FER1L6: variants seen among roughly 807,000 people sequenced by gnomAD.
FER1L6 encodes the protein fer-1 like family member 6.
FER1L6 carries 177 observed loss-of-function variants against 219.2 expected under a neutral mutation model. The observed-to-expected ratio is 0.81, with a 90% CI of 0.71 to 0.91. FER1L6 has a LOEUF of 0.91. Among genes scored for constraint, FER1L6 ranks in the 40% least tolerant of loss-of-function variants. FER1L6 has a pLI of 0.00. For synonymous variants in FER1L6, 768 were observed against 824.3 expected, an observed-to-expected ratio of 0.93 and a Z score of 1.17; for missense variants, 2,153 against 2,259.9, an observed-to-expected ratio of 0.95 and a Z score of 0.96.
intron 12 of FER1L6, among the ~76,000 whole-genome samples, chr8:123,994,219 C>T (rs1444748591): frequency 6.6e-6 from 1 of 152,162 alleles, no homozygotes; most frequent in Non-Finnish European, 1.5e-5. Context: ...AGTGGAACCA[C>T]AGAGCTTCCA....
At chr8:124,096,397 C>T (rs961873718) in intron 35 of FER1L6, among the ~76,000 whole-genome samples, 1 of 152,190 alleles carries the variant, frequency 6.6e-6, no homozygotes, top group Non-Finnish European at 1.5e-5. Flanking sequence ...TCATCCAAAT[C>T]CTGCATCTTC....
At chr8:123,976,856 T>C (rs1437864975) in intron 9 of FER1L6, among the ~76,000 whole-genome samples, 1 of 152,284 alleles carries the variant, frequency 6.6e-6, no homozygotes, top group East Asian at 1.9e-4. Flanking sequence ...CCATTGGAGG[T>C]GTCAGGGCCT....
chr8:123,954,432 G>A (rs1171011638), intron 1 of FER1L6, among the ~76,000 whole-genome samples: 1 of 151,876 alleles, frequency 6.6e-6, no homozygotes, highest in Non-Finnish European at 1.5e-5. Context: ...TTCCTTATCT[G>A]AATTAAAAAA....
At position 124,097,799 on chromosome 8, in the gene FER1L6, T is replaced by A; in HGVS notation, c.4799T>A (p.Val1600Glu). 1 of 1,593,458 alleles carries A rather than the reference T, an allele frequency of 6.3e-7. No homozygotes were observed. The highest frequency in any genetic ancestry group is 1.1e-5 in the South Asian group (1 of 90,702). ...TCCCATCCCAGATACGAATTGAGAG[T>A]GACCATCTGGAACACTGAAGATGTC... is the stretch of plus-strand genomic sequence containing the variant. ...PRRPKGYELRVTIWNTEDVIL... is the reference protein window; with the variant it reads ...PRRPKGYELRETIWNTEDVIL... The change falls in exon 37 of 41, where the codon GTG (valine) becomes GAG (glutamate). Residue 1600 changes from valine (V) to glutamate (E), a missense_variant. Physicochemically the swap from Val to Glu is moderately radical, Grantham distance 121 (BLOSUM62 -2). Transcript: ENST00000522917.
intron 39 of FER1L6, among the ~76,000 whole-genome samples, chr8:124,116,436 A>G (rs1382373062): frequency 1.3e-5 from 2 of 152,022 alleles, no homozygotes; most frequent in Non-Finnish European, 2.9e-5. Flanking sequence ...ATAAAGTGCC[A>G]TAGCCAAAAA....
At position 124,023,606 on chromosome 8, in the gene FER1L6, C is replaced by T. The variant is rs766702716; in HGVS notation, c.2286+10C>T. ...AACTCACTTCCTCAAAGTAAGTGTG[C>T]AGTATTTTAACTAAAAGAAGGGAGA... On this transcript the variant is annotated intron_variant, in intron 18 of 40. Transcript: ENST00000522917. The T allele has an allele frequency of 1.2e-6, 2 of 1,613,420 alleles. No individual in the cohort carries two copies. Among genetic ancestry groups the T allele is most frequent in the South Asian group, 2.2e-5 (2 of 90,984 alleles).
chr8:123,862,865 T>C (rs1816769873), intron 1 of FER1L6, among the ~76,000 whole-genome samples: 1 of 145,278 alleles, frequency 6.9e-6, no homozygotes, highest in Non-Finnish European at 1.5e-5. Flanking sequence ...TTGATTCTTC[T>C]CTCTCTTTTT....
At chr8:124,094,377 CCT>C (rs1822184602) in intron 34 of FER1L6, among the ~76,000 whole-genome samples, 1 of 152,052 alleles carries the variant, frequency 6.6e-6, no homozygotes, top group African/African-American at 2.4e-5. Flanking sequence ...GTCTTATTTC[CCT>C]CTCTCTAAAC....
At chr8:124,043,074 T>G (rs1436094533) in intron 20 of FER1L6, among the ~76,000 whole-genome samples, 1 of 152,166 alleles carries the variant, frequency 6.6e-6, no homozygotes, top group Non-Finnish European at 1.5e-5. Context: ...CCTGAGGACA[T>G]GAATGGTCTC....
At chr8:123,977,912 G>A (rs760501021) in intron 10 of FER1L6, among the ~76,000 whole-genome samples, 5 of 152,162 alleles carry the variant, frequency 3.3e-5, no homozygotes, top group South Asian at 2.1e-4. Flanking sequence ...TCTGACAGAC[G>A]GAGCTAGGTG....
chr8:124,014,923 G>A (rs1818115423), intron 15 of FER1L6, among the ~76,000 whole-genome samples: 1 of 152,110 alleles, frequency 6.6e-6, no homozygotes, highest in South Asian at 2.1e-4. Flanking sequence ...GTCATATCAA[G>A]GTTCCAATGG....
chr8:123,977,999 C>T (rs555374904), intron 10 of FER1L6, among the ~76,000 whole-genome samples: 5 of 152,210 alleles, frequency 3.3e-5, no homozygotes, highest in East Asian at 1.9e-4. Context: ...TGGCTCTGGG[C>T]GGTCAGGAGC....
At chr8:124,063,604 C>T (rs1471275335) in intron 25 of FER1L6, among the ~76,000 whole-genome samples, 1 of 152,186 alleles carries the variant, frequency 6.6e-6, no homozygotes, top group Non-Finnish European at 1.5e-5. Flanking sequence ...ATCCCCTGTC[C>T]ATTTCTGAGA....
intron 2 of FER1L6, among the ~76,000 whole-genome samples, chr8:123,958,512 G>A (rs1317970757): frequency 6.6e-6 from 1 of 152,100 alleles, no homozygotes; most frequent in Non-Finnish European, 1.5e-5. Context: ...ATTTTGGGGG[G>A]TGCCTAGGAG....
chr8:123,978,397 G>C (rs969335876), intron 10 of FER1L6, among the ~76,000 whole-genome samples: 1 of 152,154 alleles, frequency 6.6e-6, no homozygotes, highest in Admixed American at 6.5e-5. Flanking sequence ...TGGGAGCTGA[G>C]AGCTGGTGGA....
In FER1L6 at chr8:123,853,542, G is replaced by T. The variant is rs1401413402; in HGVS notation, c.-8+1357G>T. 6.6e-6 allele frequency among the ~76,000 whole-genome samples: 1 copy of T among 152,224 alleles called. No individual in the cohort carries two copies. Among genetic ancestry groups the T allele is most frequent in the Non-Finnish European group, 1.5e-5 (1 of 68,026 alleles). ...CAGATGATGATTTGGACCCAAGGCTGTTGAAAAATTGTTACTTTTTTCCTG... is the reference window on the plus strand; with the variant it reads ...CAGATGATGATTTGGACCCAAGGCTTTTGAAAAATTGTTACTTTTTTCCTG... On this transcript the variant is annotated intron_variant, in intron 1 of 40. Coordinates refer to ENST00000522917, the MANE Select transcript of FER1L6 (RefSeq NM_001039112.2). The surrounding 1 kb of genome is among the most constrained non-coding windows in gnomAD (Gnocchi z 6.6).
chr8:123,868,774 TTC>T (rs1816877668), intron 1 of FER1L6, among the ~76,000 whole-genome samples: 1 of 152,224 alleles, frequency 6.6e-6, no homozygotes, highest in African/African-American at 2.4e-5. Context: ...AGGTAATTCA[TTC>T]TTTCTTTCAC....
intron 1 of FER1L6, among the ~76,000 whole-genome samples, chr8:123,898,812 T>TAC (rs1563677623): frequency 2.9e-5 from 4 of 138,494 alleles, no homozygotes; most frequent in African/African-American, 8.2e-5. Context: ...TACACATATA[T>TAC]ATACATATGT....
intron 12 of FER1L6, among the ~76,000 whole-genome samples, chr8:123,991,086 A>G (rs1264827652): frequency 6.6e-6 from 1 of 152,150 alleles, no homozygotes; most frequent in Non-Finnish European, 1.5e-5. Context: ...CTTTTATACC[A>G]ATACCATGCT....
Sources: gnomAD v4.1 joint callset for allele counts (sites outside exome capture counted in the v4.1 genomes callset) on GRCh38, gnomAD v4.1.1 for gene constraint, Gnocchi (gnomAD v3.1) non-coding constraint, MANE v1.5 for transcripts, NCBI Gene and HGNC (gene_info 2026-07-23, HGNC 2026-07-21) for gene names.